Variants in ABHD17C observed in about 807,000 individuals in gnomAD.
ABHD17C encodes the protein abhydrolase domain containing 17C, depalmitoylase.
A neutral mutation model predicts 27.9 loss-of-function variants in ABHD17C; 11 were observed. The ratio of observed to expected loss-of-function variants is 0.39; its 90% CI spans 0.25 to 0.65. The LOEUF (loss-of-function observed/expected upper bound fraction) is 0.65. Ranked by LOEUF, ABHD17C falls within the 30% of genes least tolerant of loss-of-function variation. The pLI, the probability that ABHD17C is intolerant of heterozygous loss-of-function variation, is 0.45. For synonymous variants in ABHD17C, 233 were observed against 209.1 expected, an observed-to-expected ratio of 1.11 and a Z score of -0.98; for missense variants, 280 against 470.2, an observed-to-expected ratio of 0.60 and a Z score of 3.74.
intron 2 of ABHD17C, among the ~76,000 whole-genome samples, chr15:80,752,322 A>G (rs769480517): frequency 1.2e-4 from 19 of 152,222 alleles, no homozygotes; most frequent in Admixed American, 5.9e-4. Flanking sequence ...TGCAAATTAC[A>G]TGGCTGATGA....
At chr15:80,717,153 A>G (rs960110116) in intron 1 of ABHD17C, among the ~76,000 whole-genome samples, 1 of 150,272 alleles carries the variant, frequency 6.7e-6, no homozygotes, top group African/African-American at 2.4e-5. Flanking sequence ...TTTAAATGAC[A>G]TTTATTTCTG....
chr15:80,737,453 C>A (rs934586573), intron 1 of ABHD17C, among the ~76,000 whole-genome samples: 1 of 152,132 alleles, frequency 6.6e-6, no homozygotes, highest in African/African-American at 2.4e-5. Flanking sequence ...TCAAAAACAG[C>A]TTTTGGCTAG....
intron 1 of ABHD17C, among the ~76,000 whole-genome samples, chr15:80,734,011 G>A (rs1052730904): frequency 4.0e-5 from 6 of 150,904 alleles, no homozygotes; most frequent in South Asian, 2.1e-4. Flanking sequence ...TTAAAACAGG[G>A]TCTGGCTCTG....
intron 1 of ABHD17C, among the ~76,000 whole-genome samples, chr15:80,732,107 G>A (rs1895064876): frequency 6.6e-6 from 1 of 152,228 alleles, no homozygotes; most frequent in African/African-American, 2.4e-5. Flanking sequence ...GTGAGCTAAA[G>A]GAGGGGGTGG....
intron 1 of ABHD17C, among the ~76,000 whole-genome samples, chr15:80,698,547 G>GGTAAGCATATTTA (rs1567029365): frequency 6.6e-6 from 1 of 152,122 alleles, no homozygotes; most frequent in African/African-American, 2.4e-5. Flanking sequence ...CCATTGCCAC[G>GGTAAGCATATTTA]GTAAGCATAT....
intron 1 of ABHD17C, among the ~76,000 whole-genome samples, chr15:80,715,136 C>A (rs369216742): frequency 6.6e-6 from 1 of 152,202 alleles, no homozygotes; most frequent in East Asian, 1.9e-4. Flanking sequence ...GGTTCCCCCC[C>A]ATGGAATTCT....
chr15:80,748,331 C>T (rs1484596511), intron 1 of ABHD17C, among the ~76,000 whole-genome samples: 2 of 152,198 alleles, frequency 1.3e-5, no homozygotes, highest in Admixed American at 1.3e-4. Flanking sequence ...TGTTGGCTCA[C>T]GGGCTTCAAC....
chr15:80,711,141 T>G (rs1452003188), intron 1 of ABHD17C, among the ~76,000 whole-genome samples: 2 of 152,318 alleles, frequency 1.3e-5, no homozygotes, highest in African/African-American at 4.8e-5. Flanking sequence ...TGGACCTACC[T>G]CTGCTTCTGT....
chr15:80,738,681 GTGAT>G (rs1017204752), intron 1 of ABHD17C, among the ~76,000 whole-genome samples: 2 of 152,138 alleles, frequency 1.3e-5, no homozygotes, highest in African/African-American at 4.8e-5. Flanking sequence ...ATAGGGCATG[GTGAT>G]TGATAGAAAC....
chr15:80,740,473 G>A (rs1596072076), intron 1 of ABHD17C, among the ~76,000 whole-genome samples: 1 of 152,120 alleles, frequency 6.6e-6, no homozygotes, highest in South Asian at 2.1e-4. Context: ...CCTTACCTAA[G>A]CCAACTCCCG....
chr15:80,718,102 G>C lies in ABHD17C; in HGVS notation c.590+22083G>C, dbSNP rs1207516290. Among the ~76,000 whole-genome samples, 5 of 152,306 alleles carry C rather than the reference G, an allele frequency of 3.3e-5. No homozygotes were observed. The East Asian group carries it at 9.6e-4, about 29-fold the overall frequency. ...CTTGAGTTGTTAGGAAGGTGGTTTA[G>C]ATTAGGAGCATAGGATTGTTTGAGA... is the stretch of plus-strand genomic sequence containing the variant. On this transcript the variant is annotated intron_variant, in intron 1 of 2. Coordinates refer to ENST00000258884, the MANE Select transcript of ABHD17C (RefSeq NM_021214.2).
intron 1 of ABHD17C, among the ~76,000 whole-genome samples, chr15:80,724,105 A>T (rs1894938738): frequency 6.6e-6 from 1 of 152,078 alleles, no homozygotes; most frequent in African/African-American, 2.4e-5. Context: ...TGGGAGGCTG[A>T]GGTGGGAGGG....
rs189725813 is a variant in ABHD17C at position 80,729,586 on chromosome 15, T to C, written c.591-19927T>C. Among the ~76,000 whole-genome samples, 710 of 152,310 alleles carry C rather than the reference T, an allele frequency of 4.7e-3. 7 individuals are homozygous for C. Among genetic ancestry groups the C allele is most frequent in the African/African-American group, 0.017 (687 of 41,558 alleles). ...GAAAAAAAACAGTTCTTGACTACCT[T>C]TAAAATTATATAGTTAAAACTCTCC... On this transcript the variant is annotated intron_variant, in intron 1 of 2. Coordinates refer to ENST00000258884, the MANE Select transcript of ABHD17C (RefSeq NM_021214.2).
chr15:80,733,875 T>C (rs1158322891), intron 1 of ABHD17C, among the ~76,000 whole-genome samples: 3 of 152,202 alleles, frequency 2.0e-5, no homozygotes, highest in African/African-American at 7.2e-5. Flanking sequence ...ATTTAAAGTT[T>C]TTTTTTCCCC....
rs10572505 is a variant in ABHD17C at position 80,726,501 on chromosome 15, G to GTTTTTTTTTTTTTTTTTTTTTTTTTTT, written c.591-23010_591-22984dup. On this transcript the variant is annotated intron_variant, in intron 1 of 2. Coordinates refer to ENST00000258884, the MANE Select transcript of ABHD17C (RefSeq NM_021214.2). ...CCTTGGTTAATTGCTTCTTTTTCTGGTTTTTTTTTTTTTTTTTTTTTTTTT... is the reference window on the plus strand; with the variant it reads ...CCTTGGTTAATTGCTTCTTTTTCTGGTTTTTTTTTTTTTTTTTTTTTTTTTTTTTTTTTTTTTTTTTTTTTTTTTTTT... Among the ~76,000 whole-genome samples, 3 of 94,508 alleles carry GTTTTTTTTTTTTTTTTTTTTTTTTTTT rather than the reference G, an allele frequency of 3.2e-5. 1 individual carries two copies. The highest frequency in any genetic ancestry group is 1.6e-4 in the African/African-American group (3 of 18,676). The allele number at this position is 94,508 out of a possible 152,430, so 62.0% of individuals were successfully genotyped here. A position where few individuals can be genotyped will look rare whatever the true frequency, so the allele number is the denominator to read the frequency against.
At chr15:80,748,632 G>A (rs1015572487) in intron 1 of ABHD17C, among the ~76,000 whole-genome samples, 3 of 150,500 alleles carry the variant, frequency 2.0e-5, no homozygotes, top group Admixed American at 1.3e-4. Context: ...GACATCCTTT[G>A]TAGGATAATA....
At chr15:80,730,035 C>T (rs767802608) in intron 1 of ABHD17C, among the ~76,000 whole-genome samples, 9 of 151,994 alleles carry the variant, frequency 5.9e-5, no homozygotes, top group Non-Finnish European at 8.8e-5. Flanking sequence ...AGGAGAACCA[C>T]GTGAACCCAG....
intron 1 of ABHD17C, among the ~76,000 whole-genome samples, chr15:80,699,907 C>G (rs1388227038): frequency 6.6e-6 from 1 of 152,122 alleles, no homozygotes; most frequent in Non-Finnish European, 1.5e-5. Context: ...GCCCCAAGAT[C>G]AAAACTTGTT....
Position 80,753,466 on chromosome 15 carries a change from G to A in ABHD17C, c.771-685G>A, listed in dbSNP as rs561117686. ...GTTTTGACAGATGTATCACGGTAAT[G>A]TACAATGTTAACCTTACAGGAAATG... On this transcript the variant is annotated intron_variant, in intron 2 of 2. Coordinates refer to ENST00000258884, the MANE Select transcript of ABHD17C (RefSeq NM_021214.2). 2.5e-4 allele frequency among the ~76,000 whole-genome samples: 38 copies of A among 152,322 alleles called. 1 individual carries two copies. In the South Asian group the frequency reaches 7.7e-3, roughly 31 times the overall value.
Sources: gnomAD v4.1 joint callset for allele counts (sites outside exome capture counted in the v4.1 genomes callset) on GRCh38, gnomAD v4.1.1 for gene constraint, MANE v1.5 for transcripts, NCBI Gene and HGNC (gene_info 2026-07-23, HGNC 2026-07-21) for gene names.